Variants in RIGI observed in about 807,000 individuals in gnomAD.
RIGI encodes the protein RNA sensor RIG-I.
the RIGI span, among the ~76,000 whole-genome samples, chr9:32,469,465 C>G: frequency 6.6e-6 from 1 of 152,136 alleles, no homozygotes; most frequent in African/African-American, 2.4e-5. Context: ...GAAGCAGAGA[C>G]AGCAATCTGT....
the RIGI span, chr9:32,473,087 C>A: frequency 6.7e-7 from 1 of 1,502,948 alleles, no homozygotes; most frequent in South Asian, 1.2e-5. Context: ...AAGCAATTAT[C>A]AATTGGACAC....
the RIGI span, chr9:32,493,643 C>T: frequency 1.5e-6 from 1 of 660,758 alleles, no homozygotes; most frequent in Non-Finnish European, 2.4e-6. Flanking sequence ...AAGTACTATT[C>T]TATGAGTACT....
chr9:32,480,020 T>C, the RIGI span, among the ~76,000 whole-genome samples: 10 of 152,136 alleles, frequency 6.6e-5, no homozygotes, highest in African/African-American at 2.4e-4. Context: ...AAATAGGGAA[T>C]GGTATAAGCA....
chr9:32,470,582 G>A, the RIGI span, among the ~76,000 whole-genome samples: 2 of 152,078 alleles, frequency 1.3e-5, no homozygotes, highest in East Asian at 3.8e-4. Context: ...GCCAGATTTT[G>A]CTACTGACAT....
At chr9:32,481,103 G>A in the RIGI span, among the ~76,000 whole-genome samples, 1 of 152,312 alleles carries the variant, frequency 6.6e-6, no homozygotes, top group East Asian at 1.9e-4. Flanking sequence ...TAGAGGCATG[G>A]CATAGAATCT....
At chr9:32,514,942 A>C in the RIGI span, among the ~76,000 whole-genome samples, 1 of 152,162 alleles carries the variant, frequency 6.6e-6, no homozygotes, top group African/African-American at 2.4e-5. Context: ...ATATATAATA[A>C]TGTTTTCTTC....
chr9:32,480,221 T>G, the RIGI span: 1 of 1,595,098 alleles, frequency 6.3e-7, no homozygotes, highest in African/African-American at 1.3e-5. Flanking sequence ...CCACTCACCT[T>G]CAAATCTCTG....
chr9:32,489,410 T>G, the RIGI span: 1 of 1,613,572 alleles, frequency 6.2e-7, no homozygotes, highest in South Asian at 1.1e-5. Flanking sequence ...AATTGGTAAT[T>G]TCTTGGTTTA....
At chr9:32,461,474 G>A in the RIGI span, among the ~76,000 whole-genome samples, 1 of 152,328 alleles carries the variant, frequency 6.6e-6, no homozygotes, top group Middle Eastern at 3.4e-3. Context: ...GTCCCAGGTG[G>A]ATCCAGACAG....
At chr9:32,516,085 C>A in the RIGI span, among the ~76,000 whole-genome samples, 1 of 152,156 alleles carries the variant, frequency 6.6e-6, no homozygotes, top group Non-Finnish European at 1.5e-5. Context: ...CTTGTTTTAT[C>A]TGAGATCCTT....
the RIGI span, chr9:32,466,154 A>T: frequency 6.4e-5 from 54 of 849,254 alleles, no homozygotes; most frequent in Non-Finnish European, 9.2e-5. Context: ...AACAGAATGA[A>T]TTTAATATTC....
chr9:32,492,277 G>T, the RIGI span: 1 of 1,160,616 alleles, frequency 8.6e-7, no homozygotes, highest in Non-Finnish European at 1.2e-6. Flanking sequence ...CTGGTCTCGC[G>T]TTAGAGATGT....
chr9:32,514,507 T>C, the RIGI span, among the ~76,000 whole-genome samples: 5 of 152,052 alleles, frequency 3.3e-5, no homozygotes, highest in African/African-American at 1.2e-4. Flanking sequence ...TTCTCACTCA[T>C]AAGTGGGAGT....
chr9:32,487,656 T>G, the RIGI span: 2 of 1,606,940 alleles, frequency 1.2e-6, no homozygotes, highest in East Asian at 2.2e-5. Context: ...TTCAAAATCA[T>G]TAGATGTCTG....
chr9:32,469,596 C>T, the RIGI span, among the ~76,000 whole-genome samples: 1 of 152,194 alleles, frequency 6.6e-6, no homozygotes, highest in African/African-American at 2.4e-5. Context: ...CAGCCACACC[C>T]CCTTCTACTT....
At chr9:32,461,740 A>T in the RIGI span, among the ~76,000 whole-genome samples, 1 of 152,088 alleles carries the variant, frequency 6.6e-6, no homozygotes, top group Non-Finnish European at 1.5e-5. Context: ...TTGATAAGGC[A>T]ATCTCCATTC....
At chr9:32,495,543 G>A in the RIGI span, among the ~76,000 whole-genome samples, 6 of 151,678 alleles carry the variant, frequency 4.0e-5, no homozygotes, top group South Asian at 4.2e-4. Flanking sequence ...GGGGTGAGGT[G>A]ATATTGCATT....
chr9:32,479,047 T>C, the RIGI span, among the ~76,000 whole-genome samples: 1,134 of 152,348 alleles, frequency 7.4e-3, 12 homozygotes, highest in African/African-American at 0.026. Context: ...ACATACACCT[T>C]TGTTGTTTCA....
At chr9:32,470,148 T>A in the RIGI span, among the ~76,000 whole-genome samples, 1 of 152,246 alleles carries the variant, frequency 6.6e-6, no homozygotes, top group Non-Finnish European at 1.5e-5. Flanking sequence ...TTCTGTTATT[T>A]TTGAATCCAT....
Sources: allele counts gnomAD v4.1 joint callset (sites outside exome capture counted in the v4.1 genomes callset), GRCh38; gene constraint gnomAD v4.1.1; transcripts MANE v1.5; gene names NCBI Gene and HGNC (gene_info 2026-07-23, HGNC 2026-07-21).